TMEM263: variants seen among roughly 807,000 people sequenced by gnomAD.
The protein encoded by TMEM263 is UPF0444 transmembrane protein C12orf23.
In TMEM263, 5 loss-of-function variants were observed where a neutral mutation model predicts 8.6. The ratio of observed to expected loss-of-function variants is 0.58; its 90% confidence interval spans 0.31 to 1.23. TMEM263 has a LOEUF of 1.23. Ranked by LOEUF, TMEM263 falls within the 50% of genes most tolerant of loss-of-function variation. The probability of loss-of-function intolerance (pLI) is 0.07; values close to 1 mark genes in which losing one functional copy is unlikely to be tolerated. For missense variants in TMEM263, 104 were observed against 138.8 expected (o/e 0.75, Z 1.26); for synonymous variants, 50 against 47.9 (o/e 1.04, Z -0.18).
rs1951679895 is a variant in TMEM263, at chr12:106,955,935, G to A, written c.-205G>A. On this transcript the variant is annotated 5_prime_UTR_variant, in exon 1 of 4. Transcript: ENST00000280756. Reference sequence around the variant, plus strand: ...GTCTTCCAGCTCCACATCCTGAGAGGACGCCTCTGGAGCCGCGACTGCCCG... The same window carrying A: ...GTCTTCCAGCTCCACATCCTGAGAGAACGCCTCTGGAGCCGCGACTGCCCG... 1.8e-5 allele frequency: 18 copies of A among 985,794 alleles called. No individual in the cohort carries two copies. Among genetic ancestry groups the A allele is most frequent in the Non-Finnish European group, 2.2e-5 (18 of 830,282 alleles). The allele number at this position is 985,794 out of a possible 1,614,324, so 61.1% of individuals were successfully genotyped here. A position where few individuals can be genotyped will look rare whatever the true frequency, so the allele number is the denominator to read the frequency against.
intron 3 of TMEM263, 47 bp downstream of exon 3, chr12:106,967,227 A>G (rs2136772333): frequency 8.9e-7 from 1 of 1,125,218 alleles, no homozygotes; most frequent in Non-Finnish European, 1.3e-6. Context: ...ATACTGAATT[A>G]AAGTTCTGAT....
intron 3 of TMEM263, among the ~76,000 whole-genome samples, chr12:106,967,718 ATTC>A (rs1463384398): frequency 6.6e-6 from 1 of 152,236 alleles, no homozygotes; most frequent in Non-Finnish European, 1.5e-5. Flanking sequence ...TTTTGCTGTC[ATTC>A]TTCTTTTAAG....
chr12:106,957,983 A>G (rs914034837), intron 2 of TMEM263, among the ~76,000 whole-genome samples: 7 of 152,240 alleles, frequency 4.6e-5, no homozygotes, highest in African/African-American at 1.7e-4. Context: ...ATATGTTGTA[A>G]AGCTCTGTAT....
intron 2 of TMEM263, 124 bp from the exon 3 acceptor site, chr12:106,966,987 G>T: frequency 1.5e-6 from 1 of 650,114 alleles, no homozygotes; most frequent in Non-Finnish European, 2.7e-6. Flanking sequence ...AAGACTAGTT[G>T]TATAGTGGGT....
At chr12:106,967,614 C>T (rs533981972) in intron 3 of TMEM263, among the ~76,000 whole-genome samples, 1 of 152,214 alleles carries the variant, frequency 6.6e-6, no homozygotes, top group East Asian at 1.9e-4. Context: ...GTAAATATGT[C>T]CCCAAAATAA....
Position 106,966,973 on chromosome 12 carries a change from G to A in TMEM263, c.-6-138G>A, listed in dbSNP as rs185370707. 589 of 609,282 alleles carry A rather than the reference G, an allele frequency of 9.7e-4. 1 individual carries two copies. The African/African-American group carries it at 0.011, about 11-fold the overall frequency. The allele number at this position is 609,282 out of a possible 1,614,324, so 37.7% of individuals were successfully genotyped here. On this transcript the variant is annotated intron_variant, in intron 2 of 3. Transcript: ENST00000280756. ...GCAGTTTGAAGTAGGAGAGAAACAA[G>A]ATGAAGACTAGTTGTATAGTGGGTA... is the stretch of plus-strand genomic sequence containing the variant.
At chr12:106,959,078 G>A (rs1195660102) in intron 2 of TMEM263, among the ~76,000 whole-genome samples, 1 of 152,236 alleles carries the variant, frequency 6.6e-6, no homozygotes, top group Non-Finnish European at 1.5e-5. Context: ...GTGCCTGTGT[G>A]TGCTTAATCA....
intron 2 of TMEM263, among the ~76,000 whole-genome samples, chr12:106,966,487 T>TTATATC (rs1474021216): frequency 6.6e-6 from 1 of 152,174 alleles, no homozygotes; most frequent in African/African-American, 2.4e-5. Context: ...TTCCTTTGAG[T>TTATATC]TATATCTAGA....
chr12:106,966,874 G>T, intron 2 of TMEM263: 1 of 406,638 alleles, frequency 2.5e-6, no homozygotes, highest in South Asian at 3.4e-5. Context: ...TACTATGACT[G>T]CCACTCTTTG....
chr12:106,972,799 G>A lies in TMEM263; in HGVS notation c.*1408G>A, dbSNP rs1871970638. 6.6e-6 allele frequency: 1 copy of A among 150,634 alleles called. No homozygotes were observed. Among genetic ancestry groups the A allele is most frequent in the South Asian group, 2.1e-4 (1 of 4,762 alleles). 9.3% of individuals were successfully genotyped at this position (150,634 alleles called of 1,614,324 possible). A position where few individuals can be genotyped will look rare whatever the true frequency, so the allele number is the denominator to read the frequency against. Reference sequence around the variant, plus strand: ...CTGTCCACCAAGGATTGTAATCCAAGCCTGGGAAAATCTTAAATTTCTTTT... The same window carrying A: ...CTGTCCACCAAGGATTGTAATCCAAACCTGGGAAAATCTTAAATTTCTTTT... On this transcript the variant is annotated 3_prime_UTR_variant, in exon 4 of 4. Coordinates refer to ENST00000280756, the MANE Select transcript of TMEM263 (RefSeq NM_152261.4).
chr12:106,957,773 G>A (rs1055636640), intron 2 of TMEM263, among the ~76,000 whole-genome samples: 3 of 152,094 alleles, frequency 2.0e-5, no homozygotes, highest in South Asian at 4.1e-4. Context: ...GTTATTACTC[G>A]TCTAAGTGGG....
intron 3 of TMEM263, among the ~76,000 whole-genome samples, 175 bp from the exon 4 acceptor site, chr12:106,970,930 C>T (rs1171351390): frequency 6.6e-6 from 1 of 152,178 alleles, no homozygotes; most frequent in Non-Finnish European, 1.5e-5. Context: ...ATTGTAAAAA[C>T]ATGTACAACT....
Position 106,971,547 on chromosome 12 carries a change from A to T in TMEM263, c.*156A>T, listed in dbSNP as rs1329480875. ...ACTGGCTTTCATCTAAAAAGAAGAG[A>T]CCAATACGAGCACAGTATATGAAGG... On this transcript the variant is annotated 3_prime_UTR_variant, in exon 4 of 4. Coordinates refer to ENST00000280756, the MANE Select transcript of TMEM263 (RefSeq NM_152261.4). The T allele has an allele frequency of 9.4e-6, 7 of 744,220 alleles. No homozygotes were observed. Among genetic ancestry groups the T allele is most frequent in the Non-Finnish European group, 1.5e-5 (7 of 476,890 alleles). 46.1% of individuals were successfully genotyped at this position (744,220 alleles called of 1,614,324 possible).
rs1951945030 is a variant in TMEM263, at chr12:106,972,962, C to A, written c.*1571C>A. On this transcript the variant is annotated 3_prime_UTR_variant, in exon 4 of 4. Coordinates refer to ENST00000280756, the MANE Select transcript of TMEM263 (RefSeq NM_152261.4). ...GCCTGAAAATTTGAAACAGACCATT[C>A]TAACACCCAAGGCTTGTTTATAAAA... 6.7e-6 allele frequency: 1 copy of A among 149,194 alleles called. No individual in the cohort carries two copies. Among genetic ancestry groups the A allele is most frequent in the Non-Finnish European group, 1.5e-5 (1 of 67,602 alleles). The allele number at this position is 149,194 out of a possible 1,614,324, so 9.2% of individuals were successfully genotyped here. A position where few individuals can be genotyped will look rare whatever the true frequency, so the allele number is the denominator to read the frequency against.
chr12:106,963,078 T>G (rs1348027905), intron 2 of TMEM263, among the ~76,000 whole-genome samples: 2 of 152,300 alleles, frequency 1.3e-5, no homozygotes, highest in South Asian at 2.1e-4. Context: ...CAGAAGGACC[T>G]GAGCCATGTA....
chr12:106,972,807 A>G lies in TMEM263; in HGVS notation c.*1416A>G, dbSNP rs1483417634. ...CAAGGATTGTAATCCAAGCCTGGGA[A>G]AATCTTAAATTTCTTTTTACTTAAA... is the stretch of plus-strand genomic sequence containing the variant. On this transcript the variant is annotated 3_prime_UTR_variant, in exon 4 of 4. Transcript: ENST00000280756. 6.6e-6 allele frequency: 1 copy of G among 151,818 alleles called. No individual in the cohort carries two copies. The highest frequency in any genetic ancestry group is 2.4e-5 in the African/African-American group (1 of 41,350). 9.4% of individuals were successfully genotyped at this position (151,818 alleles called of 1,614,324 possible).
chr12:106,962,732 G>A (rs1040014901), intron 2 of TMEM263, among the ~76,000 whole-genome samples: 4 of 152,198 alleles, frequency 2.6e-5, no homozygotes, highest in Non-Finnish European at 5.9e-5. Context: ...TCAGAAACAA[G>A]TCCTTCATCT....
intron 2 of TMEM263, among the ~76,000 whole-genome samples, chr12:106,958,047 G>A (rs1951723981): frequency 6.6e-6 from 1 of 152,160 alleles, no homozygotes; most frequent in South Asian, 2.1e-4. Context: ...TAAAACATGG[G>A]AGTGAGGATG....
At chr12:106,960,707 A>G (rs977466556) in intron 2 of TMEM263, among the ~76,000 whole-genome samples, 1 of 152,104 alleles carries the variant, frequency 6.6e-6, no homozygotes, top group African/African-American at 2.4e-5. Flanking sequence ...AAATCTCTTG[A>G]AAGTCTAGTT....
Sources: allele counts gnomAD v4.1 joint callset (sites outside exome capture counted in the v4.1 genomes callset), GRCh38; gene constraint gnomAD v4.1.1; transcripts MANE v1.5; gene names NCBI Gene and HGNC (gene_info 2026-07-23, HGNC 2026-07-21).